Variants in NCKAP5 observed in about 807,000 individuals in gnomAD.
NCKAP5 encodes the protein nck-associated protein 5.
A neutral mutation model predicts 167.0 loss-of-function variants in NCKAP5; 92 were observed. The observed-to-expected ratio is 0.55, with a 90% CI of 0.47 to 0.66. NCKAP5 has a LOEUF of 0.66. NCKAP5 is among the 30% of genes least tolerant of loss of function. The pLI is 0.00. For missense variants in NCKAP5, 2,378 were observed against 2,315.0 expected (o/e 1.03, Z -0.56); for synonymous variants, 891 against 877.4 (o/e 1.02, Z -0.27).
intron 6 of NCKAP5, among the ~76,000 whole-genome samples, chr2:133,127,363 C>T (rs1370155659): frequency 6.6e-6 from 1 of 151,586 alleles, no homozygotes; most frequent in Non-Finnish European, 1.5e-5. Context: ...TACTGATTTG[C>T]ATTAGTTCTC....
chr2:133,498,068 T>C (rs1209004202), intron 3 of NCKAP5, among the ~76,000 whole-genome samples: 6 of 152,200 alleles, frequency 3.9e-5, no homozygotes, highest in Non-Finnish European at 8.8e-5. Context: ...ACCAAGCCTT[T>C]GAAATTTCAT....
chr2:133,249,772 A>G (rs2088206606), intron 4 of NCKAP5, among the ~76,000 whole-genome samples: 1 of 152,146 alleles, frequency 6.6e-6, no homozygotes, highest in Non-Finnish European at 1.5e-5. Flanking sequence ...TGAGATCTAC[A>G]AAGGAAGCAC....
intron 3 of NCKAP5, among the ~76,000 whole-genome samples, chr2:133,511,914 G>A (rs1215247278): frequency 6.6e-6 from 1 of 152,130 alleles, no homozygotes; most frequent in Non-Finnish European, 1.5e-5. Context: ...GGTACTTTAT[G>A]TACTCTTCCA....
At chr2:133,285,804 CTTTG>C (rs1053263949) in intron 4 of NCKAP5, among the ~76,000 whole-genome samples, 1 of 152,152 alleles carries the variant, frequency 6.6e-6, no homozygotes, top group Non-Finnish European at 1.5e-5. Context: ...TTCTCATGAG[CTTTG>C]TTTCTTTGTT....
chr2:133,002,392 C>G (rs1319085977), intron 6 of NCKAP5, among the ~76,000 whole-genome samples: 2 of 152,188 alleles, frequency 1.3e-5, no homozygotes, highest in African/African-American at 4.8e-5. Context: ...ATTATGACAA[C>G]ACACTGTAAT....
chr2:132,936,096 C>A (rs1035512789), intron 8 of NCKAP5, among the ~76,000 whole-genome samples: 1 of 151,878 alleles, frequency 6.6e-6, no homozygotes, highest in Non-Finnish European at 1.5e-5. Context: ...GCTCTCCTGC[C>A]TCAGCCTCCC....
chr2:133,555,220 C>G (rs1209965730), intron 2 of NCKAP5, among the ~76,000 whole-genome samples: 1 of 152,216 alleles, frequency 6.6e-6, no homozygotes, highest in Non-Finnish European at 1.5e-5. Flanking sequence ...CACCGACTAA[C>G]ATATTATCTC....
chr2:132,799,798 G>C (rs1684889237), intron 11 of NCKAP5, among the ~76,000 whole-genome samples: 2 of 151,720 alleles, frequency 1.3e-5, no homozygotes, highest in South Asian at 4.2e-4. Context: ...GTACATAATA[G>C]TTGTTTATAT....
intron 7 of NCKAP5, among the ~76,000 whole-genome samples, chr2:132,970,816 C>T (rs186253190): frequency 6.6e-6 from 1 of 152,138 alleles, no homozygotes; most frequent in Non-Finnish European, 1.5e-5. Context: ...ACTCAGATGA[C>T]AGCCCAGGAA....
At chr2:133,627,641 C>T in the NCKAP5 span, among the ~76,000 whole-genome samples, 5 of 152,000 alleles carry the variant, frequency 3.3e-5, no homozygotes, top group African/African-American at 1.2e-4. Flanking sequence ...AGTGTGGTGA[C>T]GTGCATCTGT....
At chr2:133,365,132 A>G (rs1685372483) in intron 3 of NCKAP5, among the ~76,000 whole-genome samples, 1 of 152,128 alleles carries the variant, frequency 6.6e-6, no homozygotes, top group South Asian at 2.1e-4. Flanking sequence ...ACACAAACAC[A>G]TACACAAAAC....
intron 8 of NCKAP5, among the ~76,000 whole-genome samples, chr2:132,954,261 C>T (rs1009725391): frequency 6.6e-5 from 10 of 152,116 alleles, no homozygotes; most frequent in African/African-American, 1.9e-4. Context: ...CAGCAGCCCA[C>T]GGACCCTCTC....
intron 4 of NCKAP5, among the ~76,000 whole-genome samples, chr2:133,260,007 G>C (rs1322117918): frequency 6.6e-6 from 1 of 152,204 alleles, no homozygotes; most frequent in African/African-American, 2.4e-5. Context: ...GAAAGCCCTA[G>C]TAAAATGAGA....
At chr2:133,249,203 T>C (rs1251648749) in intron 4 of NCKAP5, among the ~76,000 whole-genome samples, 1 of 152,102 alleles carries the variant, frequency 6.6e-6, no homozygotes, top group Non-Finnish European at 1.5e-5. Context: ...TTAAAGATCT[T>C]GAGATGGGGA....
At chr2:133,526,250 AGGGAGGGAGGG>A (rs1274022553) in intron 2 of NCKAP5, among the ~76,000 whole-genome samples, 879 of 46,724 alleles carry the variant, frequency 0.019, 124 homozygotes, top group African/African-American at 0.058. Flanking sequence ...GGAGGGAAGG[AGGGAGGGAGGG>A]AAGGAGGGAG....
At chr2:133,186,786 T>C (rs1285431757) in intron 5 of NCKAP5, among the ~76,000 whole-genome samples, 1 of 152,080 alleles carries the variant, frequency 6.6e-6, no homozygotes, top group Non-Finnish European at 1.5e-5. Context: ...TTCTGTGAGA[T>C]TAATTGTAAT....
chr2:133,076,653 C>T (rs2080613382), intron 6 of NCKAP5, among the ~76,000 whole-genome samples: 1 of 152,180 alleles, frequency 6.6e-6, no homozygotes, highest in Non-Finnish European at 1.5e-5. Flanking sequence ...CTGCATGAAC[C>T]ACCTGGATGA....
At chr2:132,780,243 C>T (rs1682908797) in intron 15 of NCKAP5, among the ~76,000 whole-genome samples, 1 of 152,200 alleles carries the variant, frequency 6.6e-6, no homozygotes, top group Non-Finnish European at 1.5e-5. Flanking sequence ...GCTCTGCCTC[C>T]TGGGTTCATG....
chr2:133,184,483 A>G (rs2084861943), intron 5 of NCKAP5, among the ~76,000 whole-genome samples: 1 of 152,188 alleles, frequency 6.6e-6, no homozygotes, highest in Non-Finnish European at 1.5e-5. Context: ...GTGTATACCC[A>G]GTAATCGGAT....
Sources: gnomAD v4.1 joint callset for allele counts (sites outside exome capture counted in the v4.1 genomes callset) on GRCh38, gnomAD v4.1.1 for gene constraint, MANE v1.5 for transcripts, NCBI Gene and HGNC (gene_info 2026-07-23, HGNC 2026-07-21) for gene names.